The following DYNC2LI1 variants were observed in gnomAD, a reference collection of about 807,000 sequenced individuals.
The protein encoded by DYNC2LI1 is dynein cytoplasmic 2 light intermediate chain 1, also known as cytoplasmic dynein 2 light intermediate chain 1.
A neutral mutation model predicts 51.9 loss-of-function variants in DYNC2LI1; 45 were observed. The observed-to-expected ratio is 0.87, with a 90% CI of 0.68 to 1.11. The LOEUF is 1.11. Among genes scored for constraint, DYNC2LI1 ranks in the 50% most tolerant of loss-of-function variants. The pLI, the probability that DYNC2LI1 is intolerant of heterozygous loss-of-function variation, is 0.00. For missense variants in DYNC2LI1, 490 were observed against 417.4 expected (o/e 1.17, Z -1.51); for synonymous variants, 130 against 137.8 (o/e 0.94, Z 0.40).
chr2:43,824,191 G>A, the DYNC2LI1 span: 59 of 1,613,732 alleles, frequency 3.7e-5, no homozygotes, highest in Non-Finnish European at 4.9e-5. Context: ...CCTCTAACAG[G>A]CATTTCTCAC....
chr2:43,778,664 T>C (rs1240413976), intron 2 of DYNC2LI1, among the ~76,000 whole-genome samples: 1 of 152,204 alleles, frequency 6.6e-6, no homozygotes. Context: ...GAATGGCTTA[T>C]ACTAATGGTA....
chr2:43,799,241 G>A (rs907269611), intron 8 of DYNC2LI1, among the ~76,000 whole-genome samples: 7 of 152,126 alleles, frequency 4.6e-5, no homozygotes, highest in African/African-American at 1.2e-4. Context: ...GTTTGAGGCT[G>A]CAGTGAGTTA....
rs41281457 is a variant in DYNC2LI1 at position 43,809,753 on chromosome 2, G to A, written c.1042G>A (p.Glu348Lys). ...RSSSKSWKQI[E>K]LDS ...TTCTTCCAAGTCTTGGAAACAAATCGAGCTTGATTCTTGAACCTATTTCAA... is the reference window on the plus strand; with the variant it reads ...TTCTTCCAAGTCTTGGAAACAAATCAAGCTTGATTCTTGAACCTATTTCAA... Residue 348 changes from glutamate (E) to lysine (K), a missense_variant, in exon 13 of 13, where the codon GAG becomes AAG. Physicochemically the swap from Glu to Lys is moderately conservative, Grantham distance 56. Transcript: ENST00000260605. The A allele has an allele frequency of 1.2e-5, 20 of 1,611,542 alleles. No individual in the cohort carries two copies. Among genetic ancestry groups the A allele is most frequent in the East Asian group, 8.9e-5 (4 of 44,726 alleles).
intron 5 of DYNC2LI1, chr2:43,793,036 C>G: frequency 3.1e-6 from 1 of 327,046 alleles, no homozygotes; most frequent in Non-Finnish European, 5.4e-6. Context: ...ATTGCTGGAT[C>G]ATCTGGTAAT....
intron 10 of DYNC2LI1, among the ~76,000 whole-genome samples, 160 bp from the exon 11 acceptor site, chr2:43,804,482 T>C (rs1420630301): frequency 1.3e-5 from 2 of 152,198 alleles, no homozygotes; most frequent in Non-Finnish European, 2.9e-5. Flanking sequence ...CCCAGTGACC[T>C]TGCTATGCTG....
rs1188014788 is a variant in DYNC2LI1 at position 43,783,562 on chromosome 2, T to C, written c.161+8T>C. On this transcript the variant is annotated splice_region_variant and intron_variant, in intron 3 of 12. Transcript: ENST00000260605. ...TCTAAGGTGTCTTGACAGGTAAGTG[T>C]TATGTTAACCTTTAAACTATATTTA... is the stretch of plus-strand genomic sequence containing the variant. 6.6e-7 allele frequency: 1 copy of C among 1,516,082 alleles called. No individual in the cohort carries two copies. Among genetic ancestry groups the C allele is most frequent in the Non-Finnish European group, 8.8e-7 (1 of 1,132,790 alleles). The allele number at this position is 1,516,082 out of a possible 1,614,324, so 93.9% of individuals were successfully genotyped here. A position where few individuals can be genotyped will look rare whatever the true frequency, so the allele number is the denominator to read the frequency against.
chr2:43,798,050 T>G (rs10166663), intron 8 of DYNC2LI1, among the ~76,000 whole-genome samples: 25,375 of 151,482 alleles, frequency 0.17, 3,216 homozygotes, highest in African/African-American at 0.34. Context: ...TCACATGAGC[T>G]CAGGAGGTCA....
chr2:43,787,243 A>G lies in DYNC2LI1; in HGVS notation c.224A>G (p.His75Arg). ...EYTYGRRAKG[H>R]NTPKDIAHFW... is the part of the protein sequence containing the mutation. ...ACATATGGAAGAAGAGCAAAAGGGCACAACACAGTAAGTGTCTTTTAAAGT... is the reference window on the plus strand; with the variant it reads ...ACATATGGAAGAAGAGCAAAAGGGCGCAACACAGTAAGTGTCTTTTAAAGT... Residue 75 changes from histidine (H) to arginine (R), a missense_variant, in exon 4 of 13, where the codon CAC becomes CGC. Physicochemically the swap from His to Arg is conservative, Grantham distance 29. Transcript: ENST00000260605. 6.2e-7 allele frequency: 1 copy of G among 1,612,670 alleles called. No individual in the cohort carries two copies. The highest frequency in any genetic ancestry group is 8.5e-7 in the Non-Finnish European group (1 of 1,178,996).
intron 5 of DYNC2LI1, among the ~76,000 whole-genome samples, chr2:43,792,120 A>G (rs915621285): frequency 6.6e-6 from 1 of 152,166 alleles, no homozygotes; most frequent in African/African-American, 2.4e-5. Context: ...TAGTACAATT[A>G]AAAATGTATA....
At chr2:43,774,265 G>T in intron 1 of DYNC2LI1, 119 bp downstream of exon 1, 1 of 1,357,556 alleles carries the variant, frequency 7.4e-7, no homozygotes. Flanking sequence ...ACCAGGATAT[G>T]CAGGGTCGGG....
chr2:43,824,356 A>G, the DYNC2LI1 span: 1 of 1,614,188 alleles, frequency 6.2e-7, no homozygotes, highest in Non-Finnish European at 8.5e-7. Context: ...TCTTGTAGGC[A>G]GATTCTATCA....
At chr2:43,779,640 C>A (rs1334909963) in intron 2 of DYNC2LI1, among the ~76,000 whole-genome samples, 2 of 152,130 alleles carry the variant, frequency 1.3e-5, no homozygotes, top group African/African-American at 2.4e-5. Context: ...CTAGGAAAGC[C>A]TCCTGAAGAG....
At chr2:43,825,061 A>G in the DYNC2LI1 span, 1 of 1,608,108 alleles carries the variant, frequency 6.2e-7, no homozygotes, top group Non-Finnish European at 8.5e-7. Flanking sequence ...TCACAAGGGT[A>G]GCGATGCACT....
At chr2:43,806,298 G>A (rs901779854) in intron 12 of DYNC2LI1, among the ~76,000 whole-genome samples, 2 of 152,138 alleles carry the variant, frequency 1.3e-5, no homozygotes, top group Non-Finnish European at 2.9e-5. Flanking sequence ...GCACTAGATC[G>A]AAAGCCCCAG....
At chr2:43,813,378 C>G (rs1666586552), downstream of DYNC2LI1, 2 of 1,123,206 alleles carry the variant, frequency 1.8e-6, no homozygotes, top group Non-Finnish European at 2.7e-6. Context: ...AAGTATTTAC[C>G]AAGCGCTTGC....
At chr2:43,776,694 A>G (rs910318838) in intron 1 of DYNC2LI1, 88 bp from the exon 2 acceptor site, 1 of 623,710 alleles carries the variant, frequency 1.6e-6, no homozygotes. Flanking sequence ...TTCATAAATT[A>G]TACTGAAATA....
chr2:43,785,545 C>A (rs1019002825), intron 3 of DYNC2LI1, among the ~76,000 whole-genome samples: 1 of 151,740 alleles, frequency 6.6e-6, no homozygotes. Context: ...ATCAGCCTGG[C>A]CAACATAGTG....
At chr2:43,794,800 C>G in intron 6 of DYNC2LI1, 157 bp downstream of exon 6, 1 of 1,486,666 alleles carries the variant, frequency 6.7e-7, no homozygotes, top group Non-Finnish European at 8.9e-7. Context: ...TTATTAAAAC[C>G]TCAGTAAGAG....
intron 5 of DYNC2LI1, among the ~76,000 whole-genome samples, chr2:43,791,930 AAT>A (rs1673813122): frequency 6.6e-6 from 1 of 152,198 alleles, no homozygotes; most frequent in Non-Finnish European, 1.5e-5. Context: ...AAGTATTTCT[AAT>A]ATACTGTAAA....
Sources: gnomAD v4.1 joint callset for allele counts (sites outside exome capture counted in the v4.1 genomes callset) on GRCh38, gnomAD v4.1.1 for gene constraint, MANE v1.5 for transcripts, NCBI Gene and HGNC (gene_info 2026-07-23, HGNC 2026-07-21) for gene names.